The following ARHGAP1 variants were observed in gnomAD, a reference collection of about 807,000 sequenced individuals.
ARHGAP1 encodes the protein Rho GTPase activating protein 1.
A neutral mutation model predicts 52.2 loss-of-function variants in ARHGAP1; 23 were observed. That is an observed-to-expected ratio of 0.44 (90% CI 0.32 to 0.62). The LOEUF (loss-of-function observed/expected upper bound fraction) is 0.62. Among genes scored for constraint, ARHGAP1 ranks in the 20% least tolerant of loss-of-function variants. The probability of loss-of-function intolerance (pLI) is 0.05; values close to 1 mark genes in which losing one functional copy is unlikely to be tolerated. For missense variants in ARHGAP1, 480 were observed against 560.9 expected (o/e 0.86, Z 1.46); for synonymous variants, 210 against 228.4 (o/e 0.92, Z 0.73).
rs1239491534 is a variant in ARHGAP1 at position 46,688,204 on chromosome 11, T to TG, written c.285dup (p.Ser96GlnfsTer24). ...AGCTTGCTGTGGTCGAGCTGGTGGC[T>TG]GGGGGGCATTCGACAGGCACTAAAC... On this transcript the variant is annotated frameshift_variant, in exon 4 of 13. Coordinates refer to ENST00000311956, the MANE Select transcript of ARHGAP1 (RefSeq NM_004308.5). LOFTEE classifies it high-confidence loss of function. The TG allele has an allele frequency of 6.2e-7, 1 of 1,613,896 alleles. No individual in the cohort carries two copies. Among genetic ancestry groups the TG allele is most frequent in the African/African-American group, 1.3e-5 (1 of 74,910 alleles).
intron 1 of ARHGAP1, chr11:46,697,008 A>C (rs1462683575): frequency 6.6e-6 from 1 of 152,284 alleles, no homozygotes; most frequent in Non-Finnish European, 1.5e-5. Context: ...GGGGCGTCCA[A>C]GCCCACTCTT....
At chr11:46,682,299 C>T (rs2064535075) in intron 4 of ARHGAP1, 117 bp from the exon 5 acceptor site, 2 of 1,372,386 alleles carry the variant, frequency 1.5e-6, no homozygotes, top group East Asian at 4.8e-5. Flanking sequence ...CAGGCCCTCC[C>T]CTAGCACAGT....
chr11:46,680,720 CTG>C lies in ARHGAP1; in HGVS notation c.661_662del (p.Gln221GlufsTer89). 1.3e-6 allele frequency: 2 copies of C among 1,566,076 alleles called. No individual in the cohort carries two copies. The highest frequency in any genetic ancestry group is 1.7e-6 in the Non-Finnish European group (2 of 1,157,026). ...GCTTGGGGGCTGTCGCGGGGCTCTT[CTG>C]TGTGGATTTCAGGAAGTCGTCATAT... is the stretch of plus-strand genomic sequence containing the variant. ...LKYDDFLKST[Q>X]KSPATAPKPM... On this transcript the variant is annotated frameshift_variant, in exon 8 of 13. Transcript: ENST00000311956. LOFTEE classifies it high-confidence loss of function. The surrounding 1 kb of genome is among the most constrained non-coding windows in gnomAD (Gnocchi z 5.9).
intron 3 of ARHGAP1, among the ~76,000 whole-genome samples, chr11:46,690,905 A>G (rs2064609229): frequency 6.6e-6 from 1 of 151,416 alleles, no homozygotes; most frequent in Non-Finnish European, 1.5e-5. Flanking sequence ...TTTAAGAGAC[A>G]GGGTCTTGCT....
intron 4 of ARHGAP1, among the ~76,000 whole-genome samples, chr11:46,683,767 A>G (rs1357623495): frequency 6.6e-6 from 1 of 152,036 alleles, no homozygotes; most frequent in Non-Finnish European, 1.5e-5. Context: ...CAGCCTCCCA[A>G]GTAGCTGGGA....
chr11:46,686,281 GAGCCACAAGAGACTTGTGGCGCCC>G (rs1031578568), intron 4 of ARHGAP1, among the ~76,000 whole-genome samples: 25 of 152,006 alleles, frequency 1.6e-4, no homozygotes, highest in East Asian at 7.8e-4. Context: ...GCTGGACGAG[GAGCCACAAGAGACTTGTGGCGCCC>G]AGCCACAAGT....
chr11:46,685,676 CT>C (rs34418008), intron 4 of ARHGAP1, among the ~76,000 whole-genome samples: 20,762 of 112,144 alleles, frequency 0.19, 1,533 homozygotes, highest in African/African-American at 0.32. Context: ...GCACAAGTCT[CT>C]TTTTTTTTTT....
In ARHGAP1 at chr11:46,679,708, G is replaced by T. The variant is rs544447260; in HGVS notation, c.967C>A (p.Arg323=). The change falls in exon 11 of 13, where the codon CGG becomes AGG. Residue 323 remains arginine (R), a synonymous_variant. Transcript: ENST00000311956. This position sits in a 1 kb window ranked among gnomAD's most constrained non-coding sequence, Gnocchi z 4.4. ...GTGAGCAGGGGCTCAGGAAGCTCCCGGAGGAAGGTCTTGAGGATGACTGCT... is the reference window on the plus strand; with the variant it reads ...GTGAGCAGGGGCTCAGGAAGCTCCCTGAGGAAGGTCTTGAGGATGACTGCT... ...LPAVILKTFL[R]ELPEPLLTFD... 1.2e-6 allele frequency: 2 copies of T among 1,614,126 alleles called. No homozygotes were observed. The highest frequency in any genetic ancestry group is 1.3e-5 in the African/African-American group (1 of 75,048).
rs756309078 is a variant in ARHGAP1, at chr11:46,679,772, C to G, written c.903G>C (p.Leu301=). Reference sequence around the variant, plus strand: ...CATTGTACTGGTCGAAATCCACAGGCAGCCCTGGGGTGGGGGCAGCGTGAG... The same window carrying G: ...CATTGTACTGGTCGAAATCCACAGGGAGCCCTGGGGTGGGGGCAGCGTGAG... The part of the protein sequence containing the change: ...REVQQKYNMG[L]PVDFDQYNEL... Residue 301 remains leucine (L), a synonymous_variant, in exon 11 of 13, where the codon CTG becomes CTC. Transcript: ENST00000311956. This position sits in a 1 kb window ranked among gnomAD's most constrained non-coding sequence, Gnocchi z 4.4. The G allele has an allele frequency of 1.9e-6, 3 of 1,613,486 alleles. No homozygotes were observed. Among genetic ancestry groups the G allele is most frequent in the Non-Finnish European group, 1.7e-6 (2 of 1,179,904 alleles).
Position 46,680,258 on chromosome 11 carries a change from C to A in ARHGAP1, c.845G>T (p.Arg282Leu). 1 of 1,614,150 alleles carries A rather than the reference C, an allele frequency of 6.2e-7. No homozygotes were observed. The highest frequency in any genetic ancestry group is 1.1e-5 in the South Asian group (1 of 91,080). The change falls in exon 10 of 13, where the codon CGG (arginine) becomes CTG (leucine). Residue 282 changes from arginine to leucine, a missense_variant. Transcript: ENST00000311956. The surrounding 1 kb of genome is among the most constrained non-coding windows in gnomAD (Gnocchi z 5.9). ...GACCACTTGGGTGTTGGCCGACCTC[C>A]GGAAGATGCCCTCGGTGGTGAGAGC... ...AHALTTEGIF[R>L]RSANTQVVRE... is the part of the protein sequence containing the mutation.
At chr11:46,687,658 C>A (rs1440510410) in intron 4 of ARHGAP1, 1 of 152,604 alleles carries the variant, frequency 6.6e-6, no homozygotes, top group Non-Finnish European at 1.5e-5. Context: ...TTCAACCAGC[C>A]TTCAGACATG....
chr11:46,700,133 G>A (rs2064690686), intron 1 of ARHGAP1, among the ~76,000 whole-genome samples: 1 of 152,110 alleles, frequency 6.6e-6, no homozygotes, highest in African/African-American at 2.4e-5. Context: ...CTCCAGCCTG[G>A]GCAATAAGAG....
rs142129373 is a variant in ARHGAP1, at chr11:46,682,147, C to T, written c.353G>A (p.Ser118Asn). The change falls in exon 5 of 13, where the codon AGT (serine) becomes AAT (asparagine). Residue 118 changes from serine (S) to asparagine (N), a missense_variant. Transcript: ENST00000311956. ...GTGCAGATACAGAAGTGTGTAGTCA[C>T]TCTCCACGTACTGGTCCAGGGTGTG... Reference protein sequence around the residue: ...LKHTLDQYVESDYTLLYLHHG... With the variant: ...LKHTLDQYVENDYTLLYLHHG... The T allele has an allele frequency of 1.2e-5, 20 of 1,614,056 alleles. No individual in the cohort carries two copies. The highest frequency in any genetic ancestry group is 1.7e-5 in the Non-Finnish European group (20 of 1,180,018).
In ARHGAP1 at chr11:46,696,070, A is replaced by G. The variant is rs2064651543; in HGVS notation, c.38T>C (p.Leu13Ser). Reference sequence around the variant, plus strand: ...GTTCAGAGCCTCGCTGGTGTCATCCAAGGTCAGATCATCCTGCAGCTCTGA... The same window carrying G: ...GTTCAGAGCCTCGCTGGTGTCATCCGAGGTCAGATCATCCTGCAGCTCTGA... ...PLSELQDDLT[L>S]DDTSEALNQL... Residue 13 changes from leucine (L) to serine (S), a missense_variant, in exon 2 of 13, where the codon TTG (leucine) becomes TCG (serine). Coordinates refer to ENST00000311956, the MANE Select transcript of ARHGAP1 (RefSeq NM_004308.5). The surrounding 1 kb of genome is among the most constrained non-coding windows in gnomAD (Gnocchi z 4.8). 6.2e-7 allele frequency: 1 copy of G among 1,612,076 alleles called. No individual in the cohort carries two copies. The highest frequency in any genetic ancestry group is 1.3e-5 in the African/African-American group (1 of 75,014).
chr11:46,685,416 C>T (rs1271035639), intron 4 of ARHGAP1, among the ~76,000 whole-genome samples: 2 of 151,562 alleles, frequency 1.3e-5, no homozygotes, highest in Non-Finnish European at 2.9e-5. Context: ...CAACCTCCGC[C>T]TCCTGGGTTC....
chr11:46,692,897 G>T (rs1025224133), intron 3 of ARHGAP1, among the ~76,000 whole-genome samples: 14 of 151,242 alleles, frequency 9.3e-5, no homozygotes, highest in Admixed American at 8.6e-4. Flanking sequence ...CTGTTGCCCA[G>T]GCTGGAGTGC....
In ARHGAP1 at chr11:46,696,271, T is replaced by C; in HGVS notation, c.-49-115A>G. On this transcript the variant is annotated intron_variant, in intron 1 of 12. Transcript: ENST00000311956. The surrounding 1 kb of genome is among the most constrained non-coding windows in gnomAD (Gnocchi z 4.8). ...CCCTCTCCCAGGCTCCCTGTCCCTA[T>C]TCCTCAACACTCCTCATCCCCGCCA... is the stretch of plus-strand genomic sequence containing the variant. 1.5e-6 allele frequency: 1 copy of C among 664,892 alleles called. No individual in the cohort carries two copies. The highest frequency in any genetic ancestry group is 2.5e-6 in the Non-Finnish European group (1 of 400,476). The allele number at this position is 664,892 out of a possible 1,614,324, so 41.2% of individuals were successfully genotyped here.
Position 46,681,057 on chromosome 11 carries a change from C to T in ARHGAP1, c.589G>A (p.Glu197Lys), listed in dbSNP as rs143532550. The change falls in exon 7 of 13, where the codon GAG becomes AAG. Residue 197 changes from glutamate to lysine, a missense_variant. Transcript: ENST00000311956. The surrounding 1 kb of genome is among the most constrained non-coding windows in gnomAD (Gnocchi z 5.7). ...CCCAGCTGCTCCAGCTTCACGTGCT[C>T]GCTCAGCTCGCTCAGGTAATTCACA... Reference protein sequence around the residue: ...FYVNYLSELSEHVKLEQLGIP... With the variant: ...FYVNYLSELSKHVKLEQLGIP... The T allele has an allele frequency of 3.1e-5, 50 of 1,614,188 alleles. No homozygotes were observed. Among genetic ancestry groups the T allele is most frequent in the Non-Finnish European group, 3.6e-5 (42 of 1,180,038 alleles).
In ARHGAP1 at chr11:46,679,510, G is replaced by A. The variant is rs769879177; in HGVS notation, c.1028-42C>T. On this transcript the variant is annotated intron_variant, in intron 11 of 12. Transcript: ENST00000311956. The surrounding 1 kb of genome is among the most constrained non-coding windows in gnomAD (Gnocchi z 4.4). The stretch of plus-strand genomic sequence containing the variant: ...CCCGGGTTATAGGGGCCCTAGGCTG[G>A]GCTGGTTCAGGACGCTCTGATGCAG... 2.5e-5 allele frequency: 40 copies of A among 1,610,240 alleles called. No homozygotes were observed. The Middle Eastern group carries it at 4.9e-4, about 20-fold the overall frequency.
Sources: gnomAD v4.1 joint callset for allele counts (sites outside exome capture counted in the v4.1 genomes callset) on GRCh38, gnomAD v4.1.1 for gene constraint, Gnocchi (gnomAD v3.1) non-coding constraint, MANE v1.5 for transcripts, NCBI Gene and HGNC (gene_info 2026-07-23, HGNC 2026-07-21) for gene names.